The following EDA variants were observed in gnomAD, a reference collection of about 807,000 sequenced individuals.
EDA encodes ectodysplasin A, also known as ectodysplasin-A.
EDA carries 2 observed loss-of-function variants against 23.6 expected under a neutral mutation model. That is an observed-to-expected ratio of 0.08 (90% CI 0.03 to 0.27). The LOEUF is 0.27. EDA is among the 10% of genes least tolerant of loss of function. EDA has a pLI of 1.00. For synonymous variants in EDA, 131 were observed against 132.0 expected (o/e 0.99, Z 0.05); for missense variants, 229 against 324.2 (o/e 0.71, Z 2.26).
chrX:69,763,118 T>C (rs1247242429), intron 1 of EDA, among the ~76,000 whole-genome samples: 3 of 112,188 alleles, frequency 2.7e-5, no homozygotes, highest in African/African-American at 9.7e-5. Context: ...ACAAAGATAA[T>C]TGGGAGAAAA....
chrX:69,948,091 A>G (rs911359386), intron 1 of EDA, among the ~76,000 whole-genome samples: 2 of 111,989 alleles, frequency 1.8e-5, no homozygotes, highest in Non-Finnish European at 3.8e-5. Flanking sequence ...AAAAAATACA[A>G]TTAAGATATA....
intron 2 of EDA, among the ~76,000 whole-genome samples, chrX:69,961,471 A>G (rs1400546586): frequency 8.9e-6 from 1 of 111,960 alleles, no homozygotes; most frequent in African/African-American, 3.2e-5. Flanking sequence ...AGACTATTAA[A>G]CTAGTTGATT....
At chrX:69,924,550 G>C (rs1445220984) in intron 1 of EDA, among the ~76,000 whole-genome samples, 7 of 111,705 alleles carry the variant, frequency 6.3e-5, no homozygotes, top group Non-Finnish European at 1.1e-4. Flanking sequence ...GGTTACTGTA[G>C]CCTTGTAGTA....
rs780698359 is a variant in EDA, at chrX:69,664,408, A to G, written c.396+47704A>G. Among the ~76,000 whole-genome samples the G allele has an allele frequency of 2.8e-3, 315 of 111,684 alleles. 1 individual carries two copies. Among genetic ancestry groups the G allele is most frequent in the African/African-American group, 9.9e-3 (303 of 30,686 alleles). On this transcript the variant is annotated intron_variant, in intron 1 of 7. Coordinates refer to ENST00000374552, the MANE Select transcript of EDA (RefSeq NM_001399.5). ...TCTCTTGCCTGCTGCCATGTAAGAC[A>G]TGTCTTGCTTGCCCTTTGCCTTCCA...
chrX:69,642,436 C>T (rs766502393), intron 1 of EDA, among the ~76,000 whole-genome samples: 31 of 110,054 alleles, frequency 2.8e-4, no homozygotes, highest in Non-Finnish European at 5.3e-4. Context: ...TTAAAAAGAA[C>T]CAAAAAGAGT....
intron 1 of EDA, among the ~76,000 whole-genome samples, chrX:69,716,360 T>C (rs975235515): frequency 8.9e-6 from 1 of 111,897 alleles, no homozygotes; most frequent in Non-Finnish European, 1.9e-5. Context: ...GTTGACTTTG[T>C]CAAAGATCAG....
chrX:69,771,336 G>A (rs184194140), intron 1 of EDA, among the ~76,000 whole-genome samples: 35 of 111,128 alleles, frequency 3.1e-4, no homozygotes, highest in Admixed American at 2.6e-3. Context: ...GGGATTACAC[G>A]CGTGAGCCAC....
At chrX:69,888,978 TTATA>T (rs935436674) in intron 1 of EDA, among the ~76,000 whole-genome samples, 308 of 16,000 alleles carry the variant, frequency 0.019, 8 homozygotes, top group African/African-American at 0.056. Flanking sequence ...TGTGGGGTAG[TTATA>T]TATATATATA....
intron 1 of EDA, among the ~76,000 whole-genome samples, chrX:69,699,283 A>T (rs999250805): frequency 8.1e-5 from 9 of 111,420 alleles, no homozygotes; most frequent in African/African-American, 2.6e-4. Context: ...CTCCCTTGAC[A>T]TACCATGGTC....
At chrX:69,822,413 A>G (rs2016250562) in intron 1 of EDA, among the ~76,000 whole-genome samples, 1 of 111,655 alleles carries the variant, frequency 9.0e-6, no homozygotes, top group African/African-American at 3.3e-5. Context: ...GAGGAAGCAT[A>G]ACTTATAGAT....
chrX:69,850,773 G>C (rs773104940), intron 1 of EDA, among the ~76,000 whole-genome samples: 59 of 112,179 alleles, frequency 5.3e-4, no homozygotes, highest in African/African-American at 1.9e-3. Context: ...GTCATCTCTG[G>C]AGAATCCCAT....
intron 1 of EDA, among the ~76,000 whole-genome samples, chrX:69,723,697 T>C (rs1224469055): frequency 8.9e-6 from 1 of 112,088 alleles, no homozygotes; most frequent in Non-Finnish European, 1.9e-5. Flanking sequence ...GTTTGGTAGC[T>C]ATAATTCTGG....
chrX:69,741,430 T>C (rs767478731), intron 1 of EDA, among the ~76,000 whole-genome samples: 4 of 112,183 alleles, frequency 3.6e-5, no homozygotes, highest in Non-Finnish European at 7.5e-5. Context: ...CCCTACACTA[T>C]GAAGTCTCTG....
At position 69,978,799 on chromosome X, in the gene EDA, G is replaced by A. The variant is rs142772892; in HGVS notation, c.502+21667G>A. The stretch of plus-strand genomic sequence containing the variant: ...TCATATCAATGGATTCATACACTAC[G>A]TGGTATTTTGTGTCTGGCTTCTTTC... On this transcript the variant is annotated intron_variant, in intron 2 of 7. Coordinates refer to ENST00000374552, the MANE Select transcript of EDA (RefSeq NM_001399.5). Among the ~76,000 whole-genome samples the A allele has an allele frequency of 6.3e-4, 70 of 111,574 alleles. 2 individuals are homozygous for A. The East Asian group carries it at 8.7e-3, about 14-fold the overall frequency.
intron 1 of EDA, among the ~76,000 whole-genome samples, chrX:69,753,233 T>C (rs908469803): frequency 1.8e-5 from 2 of 112,076 alleles, no homozygotes; most frequent in Non-Finnish European, 3.8e-5. Flanking sequence ...AATTTCCCTC[T>C]ACACACTGCT....
At chrX:69,784,674 A>G (rs2015087845) in intron 1 of EDA, among the ~76,000 whole-genome samples, 1 of 106,773 alleles carries the variant, frequency 9.4e-6, no homozygotes, top group Non-Finnish European at 1.9e-5. Context: ...TACCAGTACC[A>G]TGCTGTTTTG....
At chrX:69,960,991 C>T (rs1320138325) in intron 2 of EDA, among the ~76,000 whole-genome samples, 1 of 105,986 alleles carries the variant, frequency 9.4e-6, no homozygotes, top group Non-Finnish European at 1.9e-5. Flanking sequence ...TGCACTTCAG[C>T]CTAGGCAACA....
chrX:69,745,793 G>A (rs755310290), intron 1 of EDA, among the ~76,000 whole-genome samples: 2 of 111,363 alleles, frequency 1.8e-5, no homozygotes, highest in African/African-American at 6.5e-5. Context: ...TTTGAGACCA[G>A]CCTAGCCAAC....
chrX:69,995,777 T>C (rs928911102), intron 2 of EDA, among the ~76,000 whole-genome samples: 2 of 112,442 alleles, frequency 1.8e-5, no homozygotes, highest in Admixed American at 9.4e-5. Flanking sequence ...TTTTTTGTTG[T>C]TGTTGTTTTT....
Sources: allele counts gnomAD v4.1 joint callset (sites outside exome capture counted in the v4.1 genomes callset), GRCh38; gene constraint gnomAD v4.1.1; transcripts MANE v1.5; gene names NCBI Gene and HGNC (gene_info 2026-07-23, HGNC 2026-07-21).